The following PDE8A variants were observed in gnomAD, a reference collection of about 807,000 sequenced individuals.
The protein encoded by PDE8A is high affinity cAMP-specific and IBMX-insensitive 3',5'-cyclic phosphodiesterase 8A.
Under a neutral mutation model 105.0 loss-of-function variants are expected in PDE8A, and 59 were observed. The observed-to-expected ratio is 0.56, with a 90% confidence interval of 0.46 to 0.70. PDE8A has a LOEUF of 0.70. Ranked by LOEUF, PDE8A falls within the 30% of genes least tolerant of loss-of-function variation. PDE8A has a pLI of 0.00. For synonymous variants in PDE8A, 355 were observed against 371.9 expected, an observed-to-expected ratio of 0.95 and a Z score of 0.52; for missense variants, 1,014 against 1,045.9, an observed-to-expected ratio of 0.97 and a Z score of 0.42.
chr15:85,075,911 G>A lies in PDE8A; in HGVS notation c.484G>A (p.Val162Ile). Reference protein sequence around the residue: ...LSENTVIVGVVRRVDREELSV... With the variant: ...LSENTVIVGVIRRVDREELSV... ...AGAAAACACAGTTATTGTTGGTGTA[G>A]TACGCAGGTAAACTTTCATTTTTTT... The change falls in exon 4 of 22, where the codon GTA becomes ATA. Residue 162 changes from valine to isoleucine, a missense_variant. By Grantham distance (29) the Val-to-Ile change is conservative. Coordinates refer to ENST00000394553, the MANE Select transcript of PDE8A (RefSeq NM_002605.3). 1.3e-6 allele frequency: 2 copies of A among 1,560,998 alleles called. No individual in the cohort carries two copies. Among genetic ancestry groups the A allele is most frequent in the South Asian group, 2.3e-5 (2 of 87,432 alleles).
chr15:85,055,710 A>C (rs1035501322), intron 1 of PDE8A, among the ~76,000 whole-genome samples: 1 of 152,150 alleles, frequency 6.6e-6, no homozygotes, highest in Non-Finnish European at 1.5e-5. Flanking sequence ...GTGTCTCTGC[A>C]TGTGAGTTGG....
intron 20 of PDE8A, among the ~76,000 whole-genome samples, chr15:85,128,735 T>G (rs1289274049): frequency 1.3e-5 from 2 of 152,188 alleles, no homozygotes; most frequent in Non-Finnish European, 2.9e-5. Flanking sequence ...GTCCAGACAC[T>G]TCCCCAAAGA....
chr15:85,004,040 C>T (rs906312677), intron 1 of PDE8A, among the ~76,000 whole-genome samples: 2 of 152,204 alleles, frequency 1.3e-5, no homozygotes, highest in African/African-American at 4.8e-5. Flanking sequence ...TACTTACTTT[C>T]CATTGGCCAC....
chr15:85,128,410 T>C (rs1258700756), intron 20 of PDE8A, among the ~76,000 whole-genome samples: 1 of 152,106 alleles, frequency 6.6e-6, no homozygotes, highest in African/African-American at 2.4e-5. Context: ...TGCAGGAGGA[T>C]TGCTTGAGCC....
At chr15:85,131,775 T>C (rs948346499) in intron 20 of PDE8A, among the ~76,000 whole-genome samples, 4 of 152,204 alleles carry the variant, frequency 2.6e-5, no homozygotes, top group African/African-American at 9.6e-5. Flanking sequence ...TTTTTGTAGG[T>C]CAGGTCTAAT....
At chr15:85,060,662 C>T (rs975159098) in intron 1 of PDE8A, among the ~76,000 whole-genome samples, 5 of 152,102 alleles carry the variant, frequency 3.3e-5, no homozygotes, top group East Asian at 1.9e-4. Context: ...TGCCCAAAAG[C>T]GTACACTAAT....
chr15:85,120,590 C>T (rs2082165823), intron 17 of PDE8A: 2 of 505,892 alleles, frequency 4.0e-6, no homozygotes, highest in Admixed American at 3.7e-5. Context: ...TTTGGTAAGT[C>T]CTTAACTTGT....
chr15:85,049,946 A>G (rs1313262995), intron 1 of PDE8A, among the ~76,000 whole-genome samples: 1 of 152,160 alleles, frequency 6.6e-6, no homozygotes, highest in Non-Finnish European at 1.5e-5. Flanking sequence ...TAATATTTCC[A>G]TCAACAGGGC....
intron 1 of PDE8A, among the ~76,000 whole-genome samples, chr15:85,037,087 C>T (rs1029192314): frequency 9.5e-5 from 14 of 147,020 alleles, no homozygotes; most frequent in Admixed American, 2.7e-4. Context: ...TTTTTGGAGA[C>T]GGAGTTTCTC....
intron 1 of PDE8A, among the ~76,000 whole-genome samples, chr15:84,988,669 A>C (rs1048101318): frequency 9.9e-5 from 15 of 151,976 alleles, no homozygotes; most frequent in Non-Finnish European, 2.1e-4. Context: ...TGCTGCATGT[A>C]CCTATCTTCT....
At chr15:85,099,879 C>A in intron 9 of PDE8A, 136 bp from the exon 10 acceptor site, 1 of 693,082 alleles carries the variant, frequency 1.4e-6, no homozygotes, top group Non-Finnish European at 2.5e-6. Flanking sequence ...TGGCCTTGGT[C>A]ACAGTGAGAA....
intron 1 of PDE8A, among the ~76,000 whole-genome samples, chr15:84,996,272 G>T (rs561481459): frequency 1.3e-5 from 2 of 151,982 alleles, no homozygotes; most frequent in South Asian, 4.2e-4. Flanking sequence ...CAAACTTTTG[G>T]ACTCAAGTGA....
intron 8 of PDE8A, among the ~76,000 whole-genome samples, chr15:85,093,500 A>G (rs557518954): frequency 1.5e-4 from 23 of 152,306 alleles, no homozygotes; most frequent in African/African-American, 5.3e-4. Context: ...AGACTTAGGA[A>G]ATGGCCAGAT....
At chr15:85,047,436 A>G (rs1177021966) in intron 1 of PDE8A, among the ~76,000 whole-genome samples, 1 of 152,022 alleles carries the variant, frequency 6.6e-6, no homozygotes, top group African/African-American at 2.4e-5. Context: ...CTGTTAGGAG[A>G]CTCTGCTCCA....
intron 1 of PDE8A, among the ~76,000 whole-genome samples, chr15:85,038,580 T>G (rs1200653593): frequency 6.6e-6 from 1 of 151,972 alleles, no homozygotes; most frequent in African/African-American, 2.4e-5. Flanking sequence ...GGAGAAAAGA[T>G]TTGCAAATCA....
chr15:85,076,792 G>T lies in PDE8A; in HGVS notation c.546+5G>T. On this transcript the variant is annotated splice_donor_5th_base_variant and intron_variant, in intron 5 of 21. Coordinates refer to ENST00000394553, the MANE Select transcript of PDE8A (RefSeq NM_002605.3). ...ATTTCTGCTGGATTTACAAGGGTAT[G>T]TACTCACTTATTTGTTATACAAGTA... The T allele has an allele frequency of 6.6e-7, 1 of 1,518,408 alleles. No individual in the cohort carries two copies. The highest frequency in any genetic ancestry group is 9.2e-7 in the Non-Finnish European group (1 of 1,092,882). The allele number at this position is 1,518,408 out of a possible 1,614,324, so 94.1% of individuals were successfully genotyped here.
intron 1 of PDE8A, among the ~76,000 whole-genome samples, chr15:85,014,211 A>T (rs867597026): frequency 6.6e-6 from 1 of 151,842 alleles, no homozygotes; most frequent in East Asian, 1.9e-4. Flanking sequence ...CAGTGGCATG[A>T]TAATAGCTTA....
chr15:85,043,772 A>C (rs1406108952), intron 1 of PDE8A, among the ~76,000 whole-genome samples: 1 of 152,044 alleles, frequency 6.6e-6, no homozygotes, highest in Non-Finnish European at 1.5e-5. Flanking sequence ...ATCTTGGCAC[A>C]CTGCAACCTC....
At chr15:85,046,008 A>G (rs2141407116) in intron 1 of PDE8A, among the ~76,000 whole-genome samples, 1 of 151,238 alleles carries the variant, frequency 6.6e-6, no homozygotes, top group African/African-American at 2.4e-5. Context: ...GATCGATCAT[A>G]TGATTGTTTT....
Sources: gnomAD v4.1 joint callset for allele counts (sites outside exome capture counted in the v4.1 genomes callset) on GRCh38, gnomAD v4.1.1 for gene constraint, MANE v1.5 for transcripts, NCBI Gene and HGNC (gene_info 2026-07-23, HGNC 2026-07-21) for gene names.